The following PTPN6 variants were observed in gnomAD, a reference collection of about 807,000 sequenced individuals.
The protein encoded by PTPN6 is protein tyrosine phosphatase non-receptor type 6.
A neutral mutation model predicts 81.5 loss-of-function variants in PTPN6; 18 were observed. That is an observed-to-expected ratio of 0.22 (90% confidence interval 0.15 to 0.33). The LOEUF (loss-of-function observed/expected upper bound fraction) is 0.33, where lower values mean the gene tolerates loss of function less well. PTPN6 is among the 10% of genes least tolerant of loss of function. The probability of loss-of-function intolerance (pLI) is 1.00; values close to 1 mark genes in which losing one functional copy is unlikely to be tolerated. For missense variants in PTPN6, 500 were observed against 794.2 expected, an observed-to-expected ratio of 0.63 and a Z score of 4.45; for synonymous variants, 301 against 310.9, an observed-to-expected ratio of 0.97 and a Z score of 0.33.
chr12:6,946,878 C>A (rs1161271956), upstream of PTPN6: 14 of 938,662 alleles, frequency 1.5e-5, no homozygotes, highest in East Asian at 7.9e-5. Flanking sequence ...TCCCTATGAA[C>A]TTCCCCTTCC....
In PTPN6 at chr12:6,960,784, G is replaced by C. The variant is rs1165371810; in HGVS notation, c.1674-22G>C. 11 of 1,553,486 alleles carry C rather than the reference G, an allele frequency of 7.1e-6. No homozygotes were observed. The highest frequency in any genetic ancestry group is 2.0e-5 in the Admixed American group (1 of 51,126). The stretch of plus-strand genomic sequence containing the variant: ...TGACCTGCACCAACTGCCTGTACTT[G>C]CCCCCCTGCACCCGGCTGCAGACAC... On this transcript the variant is annotated intron_variant, in intron 14 of 15. Coordinates refer to ENST00000318974, the MANE Select transcript of PTPN6 (RefSeq NM_002831.6). This position sits in a 1 kb window ranked among gnomAD's most constrained non-coding sequence, Gnocchi z 6.1.
chr12:6,947,683 A>AG (rs1383881539), upstream of PTPN6, among the ~76,000 whole-genome samples: 5 of 151,830 alleles, frequency 3.3e-5, no homozygotes, highest in East Asian at 3.9e-4. Context: ...AAAAAAAAAA[A>AG]AAAAGAAAAT....
Position 6,960,842 on chromosome 12 carries a change from G to C in PTPN6, c.1710G>C (p.Lys570Asn). The C allele has an allele frequency of 1.3e-6, 2 of 1,577,708 alleles. No homozygotes were observed. Among genetic ancestry groups the C allele is most frequent in the Non-Finnish European group, 1.7e-6 (2 of 1,161,104 alleles). Reference protein sequence around the residue: ...KEDVYENLHTKNKREEKVKKQ... With the variant: ...KEDVYENLHTNNKREEKVKKQ... ...ATGTGTATGAGAACCTGCACACTAA[G>C]AACAAGAGGGAGGAGAAAGTGAAGA... Residue 570 changes from lysine (K) to asparagine (N), a missense_variant, in exon 15 of 16, where the codon AAG (lysine) becomes AAC (asparagine). Physicochemically the swap from Lys to Asn is moderately conservative, Grantham distance 94. Around this residue, in one of 6 missense-constraint regions of PTPN6, gnomAD observed 56 missense variants for 56.4 expected, o/e 0.99. Coordinates refer to ENST00000318974, the MANE Select transcript of PTPN6 (RefSeq NM_002831.6). The surrounding 1 kb of genome is among the most constrained non-coding windows in gnomAD (Gnocchi z 6.1).
chr12:6,951,630 T>C lies in PTPN6; in HGVS notation c.30T>C (p.Ser10=). Reference sequence around the variant, plus strand: ...CCAGGTGGTTTCACCGAGACCTCAGTGGGCTGGATGCAGAGACCCTGCTCA... The same window carrying C: ...CCAGGTGGTTTCACCGAGACCTCAGCGGGCTGGATGCAGAGACCCTGCTCA... MVRWFHRDL[S]GLDAETLLKG... The change falls in exon 2 of 16, where the codon AGT becomes AGC. Residue 10 remains serine (S), a synonymous_variant. Transcript: ENST00000318974. This position sits in a 1 kb window ranked among gnomAD's most constrained non-coding sequence, Gnocchi z 7.2. 1 of 1,613,366 alleles carries C rather than the reference T, an allele frequency of 6.2e-7. No homozygotes were observed. Among genetic ancestry groups the C allele is most frequent in the Non-Finnish European group, 8.5e-7 (1 of 1,179,844 alleles).
Position 6,960,195 on chromosome 12 carries a change from G to A in PTPN6, c.1537G>A (p.Ala513Thr), listed in dbSNP as rs1946106242. 8 of 1,604,566 alleles carry A rather than the reference G, an allele frequency of 5.0e-6. No individual in the cohort carries two copies. The highest frequency in any genetic ancestry group is 2.3e-5 in the East Asian group (1 of 43,000). Reference sequence around the variant, plus strand: ...GTACAAGTTCATCTACGTGGCCATCGCCCAGTTCATTGAAACCACTAAGAA... The same window carrying A: ...GTACAAGTTCATCTACGTGGCCATCACCCAGTTCATTGAAACCACTAAGAA... ...AQYKFIYVAIAQFIETTKKKL... is the reference protein window; with the variant it reads ...AQYKFIYVAITQFIETTKKKL... Residue 513 changes from alanine to threonine, a missense_variant, in exon 13 of 16, where the codon GCC becomes ACC. Physicochemically the swap from Ala to Thr is moderately conservative, Grantham distance 58 (BLOSUM62 0). Around this residue, in one of 6 missense-constraint regions of PTPN6, gnomAD observed 226 missense variants for 364.4 expected, o/e 0.62. Coordinates refer to ENST00000318974, the MANE Select transcript of PTPN6 (RefSeq NM_002831.6). This position sits in a 1 kb window ranked among gnomAD's most constrained non-coding sequence, Gnocchi z 6.1.
chr12:6,960,747 T>C lies in PTPN6; in HGVS notation c.1674-59T>C, dbSNP rs990250360. The stretch of plus-strand genomic sequence containing the variant: ...GGGGACTGCCAGTGCCGGGTCCCCC[T>C]GTGCTGTCTCCTGACCTGCACCAAC... On this transcript the variant is annotated intron_variant, in intron 14 of 15. Transcript: ENST00000318974. The surrounding 1 kb of genome is among the most constrained non-coding windows in gnomAD (Gnocchi z 6.1). The C allele has an allele frequency of 6.4e-6, 10 of 1,551,630 alleles. No homozygotes were observed. The highest frequency in any genetic ancestry group is 3.3e-4 in the Middle Eastern group (2 of 6,012).
At chr12:6,946,587 C>T, upstream of PTPN6, 3 of 726,432 alleles carry the variant, frequency 4.1e-6, no homozygotes, top group South Asian at 4.4e-5. Context: ...ATTGGCCTGG[C>T]AGGCAGGATC....
Position 6,961,129 on chromosome 12 carries a change from C to A in PTPN6, c.*29C>A. 1.1e-6 allele frequency: 1 copy of A among 944,724 alleles called. No individual in the cohort carries two copies. 58.5% of individuals were successfully genotyped at this position (944,724 alleles called of 1,614,324 possible). A position where few individuals can be genotyped will look rare whatever the true frequency, so the allele number is the denominator to read the frequency against. On this transcript the variant is annotated 3_prime_UTR_variant, in exon 16 of 16. Coordinates refer to ENST00000318974, the MANE Select transcript of PTPN6 (RefSeq NM_002831.6). Reference sequence around the variant, plus strand: ...CCTCACTCCCTTCTCTTGGCAGCCTCAGCCCTGACCCTGTGGAAGCATTTC... The same window carrying A: ...CCTCACTCCCTTCTCTTGGCAGCCTAAGCCCTGACCCTGTGGAAGCATTTC...
At chr12:6,947,617 G>A (rs1489169932), upstream of PTPN6, among the ~76,000 whole-genome samples, 2 of 149,396 alleles carry the variant, frequency 1.3e-5, no homozygotes, top group Non-Finnish European at 3.0e-5. Context: ...TGCAGTCAGC[G>A]ATGATTGCAC....
chr12:6,960,870 C>G lies in PTPN6; in HGVS notation c.1738C>G (p.Gln580Glu). ...KNKREEKVKK[Q>E]RSADKEKSKG... is the part of the protein sequence containing the mutation. ...CAAGAGGGAGGAGAAAGTGAAGAAG[C>G]AGCGGTCAGCAGACAAGGAGAAGAG... Residue 580 changes from glutamine (Q) to glutamate (E), a missense_variant, in exon 15 of 16, where the codon CAG (glutamine) becomes GAG (glutamate). Around this residue, in one of 6 missense-constraint regions of PTPN6, gnomAD observed 56 missense variants for 56.4 expected, o/e 0.99. Transcript: ENST00000318974. The surrounding 1 kb of genome is among the most constrained non-coding windows in gnomAD (Gnocchi z 6.1). The G allele has an allele frequency of 6.3e-7, 1 of 1,580,112 alleles. No homozygotes were observed. The highest frequency in any genetic ancestry group is 8.6e-7 in the Non-Finnish European group (1 of 1,162,374).
rs981928745 is a variant in PTPN6, at chr12:6,954,668, T to G, written c.327-137T>G. ...ATGTTTGTGAGAGACCTAAATGAGG[T>G]GGTGGATTTGGAAGCATGTAGCGCA... On this transcript the variant is annotated intron_variant, in intron 3 of 15. Transcript: ENST00000318974. The surrounding 1 kb of genome is among the most constrained non-coding windows in gnomAD (Gnocchi z 5.4). 2 of 784,292 alleles carry G rather than the reference T, an allele frequency of 2.6e-6. No individual in the cohort carries two copies. The highest frequency in any genetic ancestry group is 1.7e-5 in the African/African-American group (1 of 57,730). The allele number at this position is 784,292 out of a possible 1,614,324, so 48.6% of individuals were successfully genotyped here.
upstream of PTPN6, chr12:6,951,231 C>T: frequency 7.0e-7 from 1 of 1,425,364 alleles, no homozygotes; most frequent in Non-Finnish European, 9.2e-7. This position sits in a 1 kb window ranked among gnomAD's most constrained non-coding sequence, Gnocchi z 7.2. Context: ...CCCGTCCCCA[C>T]CCCCAGTGCC....
Position 6,955,271 on chromosome 12 carries a change from A to C in PTPN6, c.633+4A>C. On this transcript the variant is annotated splice_donor_region_variant and intron_variant, in intron 5 of 15. Coordinates refer to ENST00000318974, the MANE Select transcript of PTPN6 (RefSeq NM_002831.6). The surrounding 1 kb of genome is among the most constrained non-coding windows in gnomAD (Gnocchi z 7.2). ...CGCCTTTGTCTACCTGCGGCAGGTC[A>C]GGGGTGGGCCCAGCTGCCTCCCCAC... 2 of 1,613,812 alleles carry C rather than the reference A, an allele frequency of 1.2e-6. No individual in the cohort carries two copies. The highest frequency in any genetic ancestry group is 1.7e-6 in the Non-Finnish European group (2 of 1,179,676).
rs1471321885 is a variant in PTPN6 at position 6,960,201 on chromosome 12, T to C, written c.1543T>C (p.Phe515Leu). 4 of 1,610,742 alleles carry C rather than the reference T, an allele frequency of 2.5e-6. No individual in the cohort carries two copies. The highest frequency in any genetic ancestry group is 3.4e-6 in the Non-Finnish European group (4 of 1,179,714). Reference sequence around the variant, plus strand: ...GTTCATCTACGTGGCCATCGCCCAGTTCATTGAAACCACTAAGAAGAAGCT... The same window carrying C: ...GTTCATCTACGTGGCCATCGCCCAGCTCATTGAAACCACTAAGAAGAAGCT... Reference protein sequence around the residue: ...YKFIYVAIAQFIETTKKKLEV... With the variant: ...YKFIYVAIAQLIETTKKKLEV... Residue 515 changes from phenylalanine to leucine, a missense_variant, in exon 13 of 16, where the codon TTC becomes CTC. By Grantham distance (22) the Phe-to-Leu change is conservative. Coordinates refer to ENST00000318974, the MANE Select transcript of PTPN6 (RefSeq NM_002831.6). This position sits in a 1 kb window ranked among gnomAD's most constrained non-coding sequence, Gnocchi z 6.1.
chr12:6,961,057 C>T (rs2138288441), intron 15 of PTPN6, 69 bp from the exon 16 acceptor site: 1 of 1,486,594 alleles, frequency 6.7e-7, no homozygotes, highest in East Asian at 2.5e-5. Flanking sequence ...TCCCAGCTGC[C>T]CCAGACCCTC....
intron 3 of PTPN6, chr12:6,953,042 C>T (rs897086629): frequency 6.6e-6 from 1 of 152,314 alleles, no homozygotes; most frequent in Admixed American, 6.5e-5. Flanking sequence ...GATCGGGAAC[C>T]TTGCTCCTGC....
Position 6,956,608 on chromosome 12 carries a change from G to A in PTPN6, c.1074+40G>A, listed in dbSNP as rs1285611186. On this transcript the variant is annotated intron_variant, in intron 9 of 15. Transcript: ENST00000318974. The surrounding 1 kb of genome is among the most constrained non-coding windows in gnomAD (Gnocchi z 4.1). ...CTTCCCCGCATCCGCCCCCGTGCTT[G>A]TGGTCATGCCATTAAGTCGAAGAGC... 1.2e-6 allele frequency: 2 copies of A among 1,611,850 alleles called. No individual in the cohort carries two copies. The highest frequency in any genetic ancestry group is 1.7e-6 in the Non-Finnish European group (2 of 1,179,634).
intron 15 of PTPN6, 68 bp downstream of exon 15, chr12:6,961,013 G>T: frequency 6.5e-7 from 1 of 1,543,556 alleles, no homozygotes. Context: ...GCCTTCCCTG[G>T]GTGGATGGGG....
At position 6,960,469 on chromosome 12, in the gene PTPN6, A is replaced by G. The variant is rs782587999; in HGVS notation, c.1673+34A>G. 5.6e-5 allele frequency: 90 copies of G among 1,595,732 alleles called. No homozygotes were observed. Among genetic ancestry groups the G allele is most frequent in the Admixed American group, 1.3e-4 (8 of 59,736 alleles). ...CCCTGACTGCCACTGCCCGGCATCC[A>G]CCCCTTTGTCCTGCCCAGCCCGATC... On this transcript the variant is annotated intron_variant, in intron 14 of 15. Coordinates refer to ENST00000318974, the MANE Select transcript of PTPN6 (RefSeq NM_002831.6). This position sits in a 1 kb window ranked among gnomAD's most constrained non-coding sequence, Gnocchi z 6.1.
Sources: allele counts gnomAD v4.1 joint callset (sites outside exome capture counted in the v4.1 genomes callset), GRCh38; gene constraint gnomAD v4.1.1; regional missense constraint gnomAD v4.1.1; non-coding constraint Gnocchi (gnomAD v3.1); transcripts MANE v1.5; gene names NCBI Gene and HGNC (gene_info 2026-07-23, HGNC 2026-07-21).